The following ADAMTSL1 variants were observed in gnomAD, a reference collection of about 807,000 sequenced individuals.
ADAMTSL1 encodes ADAMTS like 1.
Under a neutral mutation model 201.8 loss-of-function variants are expected in ADAMTSL1, and 126 were observed. The observed-to-expected ratio is 0.62, with a 90% CI of 0.54 to 0.72. The LOEUF (loss-of-function observed/expected upper bound fraction) is 0.72, where lower values mean the gene tolerates loss of function less well. ADAMTSL1 is among the 30% of genes least tolerant of loss of function. ADAMTSL1 has a pLI of 0.00. For missense variants in ADAMTSL1, 2,679 were observed against 2,277.8 expected, an observed-to-expected ratio of 1.18 and a Z score of -3.59; for synonymous variants, 1,121 against 903.4, an observed-to-expected ratio of 1.24 and a Z score of -4.32.
chr9:18,133,079 C>G (rs1409838549), intron 1 of ADAMTSL1, among the ~76,000 whole-genome samples: 1 of 151,958 alleles, frequency 6.6e-6, no homozygotes, highest in East Asian at 1.9e-4. Flanking sequence ...CAGACACTTC[C>G]AGGAATAAGA....
intron 2 of ADAMTSL1, among the ~76,000 whole-genome samples, chr9:18,513,088 A>C (rs35518030): frequency 0.13 from 19,487 of 152,152 alleles, 1,689 homozygotes; most frequent in Non-Finnish European, 0.2. Flanking sequence ...TCTTAGAGCT[A>C]ATCTCCTCTC....
At chr9:18,885,859 G>T (rs116267008) in intron 23 of ADAMTSL1, among the ~76,000 whole-genome samples, 1 of 152,010 alleles carries the variant, frequency 6.6e-6, no homozygotes, top group African/African-American at 2.4e-5. Context: ...CGGATAGAAG[G>T]CCTGCCGCAC....
intron 1 of ADAMTSL1, among the ~76,000 whole-genome samples, chr9:17,930,901 T>C (rs909533747): frequency 2.0e-5 from 3 of 152,194 alleles, no homozygotes; most frequent in Non-Finnish European, 4.4e-5. Context: ...TAGTATCTTG[T>C]CAGCTGAATG....
intron 1 of ADAMTSL1, among the ~76,000 whole-genome samples, chr9:18,474,676 G>A (rs1460330641): frequency 6.6e-6 from 1 of 152,114 alleles, no homozygotes; most frequent in Non-Finnish European, 1.5e-5. Context: ...GGAATTTTTT[G>A]ATGGATAGGC....
chr9:18,026,648 A>G (rs1820708584), intron 1 of ADAMTSL1, among the ~76,000 whole-genome samples: 1 of 152,064 alleles, frequency 6.6e-6, no homozygotes, highest in Non-Finnish European at 1.5e-5. Flanking sequence ...TTCAGCAGGT[A>G]TATTGGCCTG....
chr9:18,245,711 T>C (rs1349537718), intron 2 of ADAMTSL1, among the ~76,000 whole-genome samples: 2 of 151,998 alleles, frequency 1.3e-5, no homozygotes, highest in African/African-American at 4.8e-5. Flanking sequence ...CTTTTTTTTT[T>C]TTCAATGAAA....
At position 18,267,782 on chromosome 9, in the gene ADAMTSL1, A is replaced by AAAAC. The variant is rs1554647421; in HGVS notation, c.207+103804_207+103805insCAAA. On this transcript the variant is annotated intron_variant, in intron 2 of 29. Coordinates refer to the ADAMTSL1 transcript ENST00000680146. The stretch of plus-strand genomic sequence containing the variant: ...GCTATTAAAAAAAAAAAACAAAAAC[A>AAAAC]AAAACAAAAAAACCTTAATCTGAGA... 1.7e-3 allele frequency among the ~76,000 whole-genome samples: 246 copies of AAAAC among 148,944 alleles called. 5 individuals carry two copies. Among genetic ancestry groups the AAAAC allele is most frequent in the Admixed American group, 0.014 (191 of 13,746 alleles).
chr9:18,421,667 C>T (rs1479953422), intron 2 of ADAMTSL1, among the ~76,000 whole-genome samples: 1 of 152,104 alleles, frequency 6.6e-6, no homozygotes, highest in Non-Finnish European at 1.5e-5. Flanking sequence ...CACCAGAAAC[C>T]GGGAAACATA....
intron 2 of ADAMTSL1, among the ~76,000 whole-genome samples, chr9:18,380,876 G>T (rs1295942473): frequency 6.6e-6 from 1 of 152,160 alleles, no homozygotes; most frequent in African/African-American, 2.4e-5. Flanking sequence ...GTTACAAAAC[G>T]CAGGGAGAGG....
chr9:18,167,047 T>C (rs1305619639), intron 2 of ADAMTSL1, among the ~76,000 whole-genome samples: 1 of 151,946 alleles, frequency 6.6e-6, no homozygotes, highest in African/African-American at 2.4e-5. Context: ...GCCACAGCAG[T>C]CAACTAAACT....
At chr9:18,838,121 GGA>G (rs1416425660) in intron 23 of ADAMTSL1, among the ~76,000 whole-genome samples, 1 of 152,030 alleles carries the variant, frequency 6.6e-6, no homozygotes, top group Non-Finnish European at 1.5e-5. Flanking sequence ...CAGAAGGCAA[GGA>G]GAAGCAAGTC....
chr9:18,598,761 C>T (rs572368509), intron 4 of ADAMTSL1, among the ~76,000 whole-genome samples: 112 of 152,206 alleles, frequency 7.4e-4, no homozygotes, highest in African/African-American at 2.6e-3. Context: ...GAGCTGGTGG[C>T]TGACTAGTGC....
intron 1 of ADAMTSL1, among the ~76,000 whole-genome samples, chr9:18,025,518 C>T (rs1820655305): frequency 6.6e-6 from 1 of 151,860 alleles, no homozygotes; most frequent in Non-Finnish European, 1.5e-5. Flanking sequence ...GAGTCCTTTC[C>T]CCATTGCCTA....
chr9:17,956,744 T>G (rs1183167971), intron 1 of ADAMTSL1, among the ~76,000 whole-genome samples: 1 of 152,216 alleles, frequency 6.6e-6, no homozygotes, highest in Non-Finnish European at 1.5e-5. Flanking sequence ...AATGGTAGAA[T>G]GGCAAAGAAT....
At chr9:18,165,556 T>C in intron 2 of ADAMTSL1, among the ~76,000 whole-genome samples, 1 of 151,906 alleles carries the variant, frequency 6.6e-6, no homozygotes, top group Admixed American at 6.6e-5. Context: ...TTAATAGTTA[T>C]AATTAGCTTA....
At chr9:18,268,990 A>C (rs546636937) in intron 2 of ADAMTSL1, among the ~76,000 whole-genome samples, 1 of 152,260 alleles carries the variant, frequency 6.6e-6, no homozygotes, top group Non-Finnish European at 1.5e-5. Flanking sequence ...TCCACCTACA[A>C]AATGGTATTT....
intron 1 of ADAMTSL1, among the ~76,000 whole-genome samples, chr9:18,107,446 A>C (rs1824807269): frequency 6.6e-6 from 1 of 152,192 alleles, no homozygotes; most frequent in African/African-American, 2.4e-5. Context: ...AGAAATCCAC[A>C]GTGACAGACA....
At chr9:18,289,322 G>T (rs1055551568) in intron 2 of ADAMTSL1, among the ~76,000 whole-genome samples, 1 of 152,190 alleles carries the variant, frequency 6.6e-6, no homozygotes, top group African/African-American at 2.4e-5. Flanking sequence ...TCCAGTCTGA[G>T]TTTGGAGGGC....
At chr9:17,980,120 G>A (rs545566349) in intron 1 of ADAMTSL1, among the ~76,000 whole-genome samples, 3 of 152,242 alleles carry the variant, frequency 2.0e-5, no homozygotes, top group African/African-American at 4.8e-5. Flanking sequence ...AGGGTGACAT[G>A]GGTAGTGTGA....
Sources: allele counts gnomAD v4.1 joint callset (sites outside exome capture counted in the v4.1 genomes callset), GRCh38; gene constraint gnomAD v4.1.1; transcripts MANE v1.5; gene names NCBI Gene and HGNC (gene_info 2026-07-23, HGNC 2026-07-21).